YAF2: variants seen among roughly 807,000 people sequenced by gnomAD.
YAF2 encodes the protein YY1 associated factor 2.
In YAF2, 7 loss-of-function variants were observed where a neutral mutation model predicts 20.1. The observed-to-expected ratio is 0.35, with a 90% CI of 0.20 to 0.65. YAF2 has a LOEUF of 0.65. Among genes scored for constraint, YAF2 ranks in the 30% least tolerant of loss-of-function variants. The pLI is 0.69. For missense variants in YAF2, 151 were observed against 219.2 expected, an observed-to-expected ratio of 0.69 and a Z score of 1.96; for synonymous variants, 74 against 76.0, an observed-to-expected ratio of 0.97 and a Z score of 0.14.
At chr12:42,204,086 A>G (rs1399561789) in intron 2 of YAF2, among the ~76,000 whole-genome samples, 1 of 151,346 alleles carries the variant, frequency 6.6e-6, no homozygotes, top group Non-Finnish European at 1.5e-5. Context: ...CAACCAAACA[A>G]AAAAAAATCT....
Position 42,227,053 on chromosome 12 carries a change from C to T in YAF2, c.152+10546G>A, listed in dbSNP as rs919214566. 6.5e-3 allele frequency among the ~76,000 whole-genome samples: 949 copies of T among 145,772 alleles called. 8 individuals carry two copies. Among genetic ancestry groups the T allele is most frequent in the Non-Finnish European group, 8.8e-3 (581 of 66,232 alleles). On this transcript the variant is annotated intron_variant, in intron 2 of 3. Transcript: ENST00000534854. ...TATGAAGCGGAGCCGCTGCCGCGACCGACCGCAGCCGCCGCCGCCCGACCG... is the reference window on the plus strand; with the variant it reads ...TATGAAGCGGAGCCGCTGCCGCGACTGACCGCAGCCGCCGCCGCCCGACCG...
In YAF2 at chr12:42,159,855, G is replaced by A. The variant is rs1341488832; in HGVS notation, c.*734C>T. Reference sequence around the variant, plus strand: ...GATACAGAAAATACCAGTGTTCAATGACAATAGCACTAAACCTGAATTATA... The same window carrying A: ...GATACAGAAAATACCAGTGTTCAATAACAATAGCACTAAACCTGAATTATA... On this transcript the variant is annotated 3_prime_UTR_variant, in exon 4 of 4. Transcript: ENST00000534854. The A allele has an allele frequency of 6.6e-6, 1 of 152,402 alleles. No homozygotes were observed. The highest frequency in any genetic ancestry group is 1.5e-5 in the Non-Finnish European group (1 of 67,954). 9.4% of individuals were successfully genotyped at this position (152,402 alleles called of 1,614,324 possible).
chr12:42,237,405 T>C lies in YAF2; in HGVS notation c.152+194A>G, dbSNP rs1241447846. On this transcript the variant is annotated intron_variant, in intron 2 of 3. Coordinates refer to ENST00000534854, the MANE Select transcript of YAF2 (RefSeq NM_005748.6). The stretch of plus-strand genomic sequence containing the variant: ...CTTGGCAGCAAAAAACGTTACAGCC[T>C]CTTCAATTACCCCTCACCGCAAACC... 8.5e-6 allele frequency: 11 copies of C among 1,288,010 alleles called. No homozygotes were observed. The South Asian group carries it at 2.0e-4, about 23-fold the overall frequency. The allele number at this position is 1,288,010 out of a possible 1,614,324, so 79.8% of individuals were successfully genotyped here. A position where few individuals can be genotyped will look rare whatever the true frequency, so the allele number is the denominator to read the frequency against.
intron 2 of YAF2, among the ~76,000 whole-genome samples, chr12:42,226,904 T>G (rs1197208371): frequency 1.3e-5 from 2 of 150,278 alleles, no homozygotes; most frequent in Non-Finnish European, 3.0e-5. Flanking sequence ...CTGGGGTCGG[T>G]GGCTTAGGGA....
Position 42,168,175 on chromosome 12 carries a change from A to ATT in YAF2, c.153-6412_153-6411dup, listed in dbSNP as rs972399859. 5.8e-4 allele frequency among the ~76,000 whole-genome samples: 73 copies of ATT among 125,952 alleles called. 1 individual carries two copies. Among genetic ancestry groups the ATT allele is most frequent in the African/African-American group, 1.6e-3 (55 of 33,660 alleles). The allele number at this position is 125,952 out of a possible 152,430, so 82.6% of individuals were successfully genotyped here. A position where few individuals can be genotyped will look rare whatever the true frequency, so the allele number is the denominator to read the frequency against. On this transcript the variant is annotated intron_variant, in intron 2 of 3. Transcript: ENST00000534854. Reference sequence around the variant, plus strand: ...TCTATCTCAAGAAAAGAAAGACAGCATTTTTTTTTTTTTTTTTTTTGAAAT... The same window carrying ATT: ...TCTATCTCAAGAAAAGAAAGACAGCATTTTTTTTTTTTTTTTTTTTTTGAAAT...
intron 2 of YAF2, among the ~76,000 whole-genome samples, chr12:42,209,931 T>C (rs1337214137): frequency 6.6e-6 from 1 of 152,154 alleles, no homozygotes; most frequent in Non-Finnish European, 1.5e-5. Flanking sequence ...CCCGAATAGC[T>C]GGGATTACAA....
At chr12:42,210,618 A>G in intron 2 of YAF2, 1 of 1,536,052 alleles carries the variant, frequency 6.5e-7, no homozygotes, top group Non-Finnish European at 8.7e-7. Context: ...AACAATGTGG[A>G]TCTGTGGAGA....
At chr12:42,235,887 GC>G in intron 2 of YAF2, 1 of 1,536,040 alleles carries the variant, frequency 6.5e-7, no homozygotes, top group Non-Finnish European at 8.7e-7. Context: ...CAGGTATTCA[GC>G]CTGTTTCTTC....
intron 2 of YAF2, among the ~76,000 whole-genome samples, chr12:42,218,916 A>G (rs1592030662): frequency 6.6e-6 from 1 of 152,140 alleles, no homozygotes; most frequent in Admixed American, 6.5e-5. Context: ...AGGGCTTTCA[A>G]GAAAGAAAGC....
chr12:42,169,554 C>T (rs1391072620), intron 2 of YAF2, among the ~76,000 whole-genome samples: 1 of 151,976 alleles, frequency 6.6e-6, no homozygotes, highest in Middle Eastern at 3.2e-3. Flanking sequence ...GCTAGGACTA[C>T]AGGCATGCCC....
intron 2 of YAF2, among the ~76,000 whole-genome samples, chr12:42,209,700 A>G (rs2067151418): frequency 6.6e-6 from 1 of 152,234 alleles, no homozygotes; most frequent in Non-Finnish European, 1.5e-5. Context: ...ATTTACTTCA[A>G]AAAAGCAACA....
intron 2 of YAF2, among the ~76,000 whole-genome samples, chr12:42,192,236 C>T (rs961780935): frequency 4.6e-5 from 7 of 150,760 alleles, no homozygotes; most frequent in East Asian, 2.0e-4. Flanking sequence ...GGCTGAGCAT[C>T]GTGGCACATG....
intron 2 of YAF2, among the ~76,000 whole-genome samples, chr12:42,226,724 G>A (rs2067712250): frequency 6.6e-6 from 1 of 152,156 alleles, no homozygotes; most frequent in Non-Finnish European, 1.5e-5. Context: ...AGACAAAATA[G>A]TCTGATAATA....
intron 2 of YAF2, among the ~76,000 whole-genome samples, chr12:42,214,551 T>A (rs2067300361): frequency 6.6e-6 from 1 of 151,852 alleles, no homozygotes; most frequent in South Asian, 2.1e-4. Context: ...GGATTACAGG[T>A]GTGAGCCGCC....
chr12:42,228,637 G>A (rs1280165827), intron 2 of YAF2, among the ~76,000 whole-genome samples: 9 of 83,280 alleles, frequency 1.1e-4, no homozygotes, highest in Admixed American at 6.5e-4. Context: ...CCGGCCAGCC[G>A]CCCCGTCCGG....
intron 2 of YAF2, chr12:42,236,062 A>T (rs1397848550): frequency 6.6e-7 from 1 of 1,515,510 alleles, no homozygotes; most frequent in African/African-American, 1.4e-5. Flanking sequence ...GAAAATAGAG[A>T]GGGAACAACA....
intron 2 of YAF2, among the ~76,000 whole-genome samples, chr12:42,169,740 A>C (rs1445133828): frequency 1.3e-5 from 2 of 152,080 alleles, no homozygotes; most frequent in Non-Finnish European, 2.9e-5. Context: ...TGTTGAATAC[A>C]AGCATTATTC....
At chr12:42,226,599 G>A (rs1344342480) in intron 2 of YAF2, among the ~76,000 whole-genome samples, 1 of 152,156 alleles carries the variant, frequency 6.6e-6, no homozygotes, top group Non-Finnish European at 1.5e-5. Context: ...GGGAGGTTGA[G>A]GCTGCAGTAA....
intron 2 of YAF2, among the ~76,000 whole-genome samples, chr12:42,194,401 C>T (rs1030082871): frequency 1.2e-4 from 19 of 152,026 alleles, no homozygotes; most frequent in African/African-American, 3.9e-4. Context: ...CCTAACAGTT[C>T]GGGAGGCTGA....
Sources: allele counts gnomAD v4.1 joint callset (sites outside exome capture counted in the v4.1 genomes callset), GRCh38; gene constraint gnomAD v4.1.1; transcripts MANE v1.5; gene names NCBI Gene and HGNC (gene_info 2026-07-23, HGNC 2026-07-21).